MASTL: variants seen among roughly 807,000 people sequenced by gnomAD.
The protein encoded by MASTL is microtubule associated serine/threonine kinase like, also known as serine/threonine-protein kinase greatwall.
A neutral mutation model predicts 82.5 loss-of-function variants in MASTL; 54 were observed. The observed-to-expected ratio is 0.65, with a 90% CI of 0.53 to 0.82. The LOEUF (loss-of-function observed/expected upper bound fraction) is 0.82, where lower values mean the gene tolerates loss of function less well. Among genes scored for constraint, MASTL ranks in the 40% least tolerant of loss-of-function variants. The pLI is 0.00. For synonymous variants in MASTL, 323 were observed against 368.9 expected (o/e 0.88, Z 1.43); for missense variants, 950 against 1,047.8 (o/e 0.91, Z 1.29).
Position 27,170,155 on chromosome 10 carries a change from G to A in MASTL, c.1196G>A (p.Trp399Ter). The A allele has an allele frequency of 8.7e-6, 14 of 1,614,116 alleles. No individual in the cohort carries two copies. Among genetic ancestry groups the A allele is most frequent in the Non-Finnish European group, 1.2e-5 (14 of 1,180,026 alleles). ...AKKCFSGEVS[W>*]EAVELDVNNI... is the part of the protein sequence containing the mutation. ...AAATGCTTCTCTGGGGAAGTTTCTT[G>A]GGAAGCAGTAGAACTGGATGTAAAT... The change falls in exon 8 of 12, where the codon TGG becomes TAG. Residue 399 changes from tryptophan (W) to a stop codon, truncating the protein, a stop_gained. Coordinates refer to ENST00000375940, the MANE Select transcript of MASTL (RefSeq NM_001172303.3). LOFTEE classifies it high-confidence loss of function.
chr10:27,181,367 G>A (rs2058292623), intron 10 of MASTL, 113 bp from the exon 11 acceptor site: 1 of 795,170 alleles, frequency 1.3e-6, no homozygotes, highest in Non-Finnish European at 2.1e-6. Context: ...CTCCAGCCTG[G>A]GTGACAAGAG....
At chr10:27,186,057 T>A (rs891161517) in intron 11 of MASTL, among the ~76,000 whole-genome samples, 1 of 152,022 alleles carries the variant, frequency 6.6e-6, no homozygotes, top group Non-Finnish European at 1.5e-5. Context: ...CCACTGCACT[T>A]CAGCCTGGGC....
Position 27,170,955 on chromosome 10 carries a change from A to G in MASTL, c.1996A>G (p.Asn666Asp). Reference protein sequence around the residue: ...RSFNSHINASNNSEPSRMNMT... With the variant: ...RSFNSHINASDNSEPSRMNMT... ...TTTTAACAGTCATATTAATGCATCC[A>G]ATAACTCAGAACCATCCAGAATGAA... The change falls in exon 8 of 12, where the codon AAT (asparagine) becomes GAT (aspartate). Residue 666 changes from asparagine to aspartate, a missense_variant. Asn to Asp is a conservative substitution (Grantham distance 23). Transcript: ENST00000375940. 6.2e-7 allele frequency: 1 copy of G among 1,614,206 alleles called. No homozygotes were observed. The highest frequency in any genetic ancestry group is 2.2e-5 in the East Asian group (1 of 44,870).
At position 27,170,659 on chromosome 10, in the gene MASTL, T is replaced by C; in HGVS notation, c.1700T>C (p.Met567Thr). The C allele has an allele frequency of 6.2e-7, 1 of 1,609,856 alleles. No individual in the cohort carries two copies. Among genetic ancestry groups the C allele is most frequent in the Admixed American group, 1.7e-5 (1 of 59,096 alleles). Reference protein sequence around the residue: ...DDDRASKNISMNSDSSFPGIS... With the variant: ...DDDRASKNISTNSDSSFPGIS... ...GATAGAGCTTCTAAAAATATTTCTA[T>C]GAACTCTGATTCATCTTTTCCTGGA... Residue 567 changes from methionine to threonine, a missense_variant, in exon 8 of 12, where the codon ATG (methionine) becomes ACG (threonine). Physicochemically the swap from Met to Thr is moderately conservative, Grantham distance 81 (BLOSUM62 -1). Transcript: ENST00000375940.
chr10:27,186,114 G>C (rs528850341), intron 11 of MASTL, among the ~76,000 whole-genome samples: 31 of 152,212 alleles, frequency 2.0e-4, no homozygotes, highest in African/African-American at 7.5e-4. Flanking sequence ...AGAAAGATAG[G>C]CTTCTAAGTT....
chr10:27,183,781 A>C (rs2058467682), intron 11 of MASTL, among the ~76,000 whole-genome samples: 1 of 151,346 alleles, frequency 6.6e-6, no homozygotes, highest in Non-Finnish European at 1.5e-5. Flanking sequence ...GTAGTAGCAC[A>C]ATCTCGGCTC....
intron 7 of MASTL, among the ~76,000 whole-genome samples, chr10:27,167,831 T>G (rs2057789120): frequency 6.6e-6 from 1 of 152,224 alleles, no homozygotes; most frequent in Admixed American, 6.5e-5. Context: ...TTACATATTG[T>G]TTTTGCCTTT....
intron 10 of MASTL, 131 bp from the exon 11 acceptor site, chr10:27,181,349 C>A: frequency 1.4e-6 from 1 of 714,724 alleles, no homozygotes; most frequent in Non-Finnish European, 2.4e-6. Context: ...TGAGATCACG[C>A]TTTTGCACTC....
rs183974630 is a variant in MASTL at position 27,164,560 on chromosome 10, T to C, written c.554-504T>C. ...AACATGCTAATAATCTGGGTCAGTT[T>C]CTATCTTGACCTAGGCTTAAACATA... On this transcript the variant is annotated intron_variant, in intron 4 of 11. Transcript: ENST00000375940. Among the ~76,000 whole-genome samples, 248 of 152,354 alleles carry C rather than the reference T, an allele frequency of 1.6e-3. 2 individuals carry two copies. Among genetic ancestry groups the C allele is most frequent in the African/African-American group, 5.7e-3 (239 of 41,584 alleles).
In MASTL at chr10:27,169,969, C is replaced by T; in HGVS notation, c.1010C>T (p.Thr337Ile). The T allele has an allele frequency of 2.5e-6, 4 of 1,614,024 alleles. No individual in the cohort carries two copies. The highest frequency in any genetic ancestry group is 3.4e-6 in the Non-Finnish European group (4 of 1,180,028). ...GAAAGTGATGAAGCATTGGGCCCAA[C>T]AATGATGAGTTGGAATGCAGTTGAA... Reference protein sequence around the residue: ...CQESDEALGPTMMSWNAVEKL... With the variant: ...CQESDEALGPIMMSWNAVEKL... The change falls in exon 8 of 12, where the codon ACA (threonine) becomes ATA (isoleucine). Residue 337 changes from threonine to isoleucine, a missense_variant. Transcript: ENST00000375940.
At position 27,165,391 on chromosome 10, in the gene MASTL, C is replaced by T. The variant is rs767148976; in HGVS notation, c.663C>T (p.Asn221=). The change falls in exon 6 of 12, where the codon AAC becomes AAT. Residue 221 remains asparagine, a splice_region_variant and synonymous_variant. Coordinates refer to ENST00000375940, the MANE Select transcript of MASTL (RefSeq NM_001172303.3). The part of the protein sequence containing the change: ...VLSLISSLGF[N]TPIAEKNQDP... ...TTTTATTTTTCTCTTTTTAATAGAACACACCAATTGCAGAAAAAAATCAAG... is the reference window on the plus strand; with the variant it reads ...TTTTATTTTTCTCTTTTTAATAGAATACACCAATTGCAGAAAAAAATCAAG... The T allele has an allele frequency of 1.2e-6, 2 of 1,613,384 alleles. No individual in the cohort carries two copies. Among genetic ancestry groups the T allele is most frequent in the East Asian group, 4.5e-5 (2 of 44,864 alleles).
Position 27,177,365 on chromosome 10 carries a change from T to G in MASTL, c.2267-3588T>G, listed in dbSNP as rs2136132455. ...CTAGCCCATTTTCTGTATTATAATT[T>G]GCATTATCTCTAACTTAGGACACAG... On this transcript the variant is annotated intron_variant, in intron 9 of 11. Coordinates refer to ENST00000375940, the MANE Select transcript of MASTL (RefSeq NM_001172303.3). Among the ~76,000 whole-genome samples the G allele has an allele frequency of 2.0e-5, 3 of 152,338 alleles. No homozygotes were observed. In the South Asian group the frequency reaches 6.2e-4, roughly 32 times the overall value.
In MASTL at chr10:27,158,630, A is replaced by C. The variant is rs767472790; in HGVS notation, c.268A>C (p.Ser90Arg). 1 of 1,613,892 alleles carries C rather than the reference A, an allele frequency of 6.2e-7. No homozygotes were observed. Among genetic ancestry groups the C allele is most frequent in the South Asian group, 1.1e-5 (1 of 91,084 alleles). The change falls in exon 2 of 12, where the codon AGC (serine) becomes CGC (arginine). Residue 90 changes from serine to arginine, a missense_variant. Physicochemically the swap from Ser to Arg is moderately radical, Grantham distance 110. Transcript: ENST00000375940. Reference sequence around the variant, plus strand: ...GAGAGATGCACTGGCACTAAGCAAAAGCCCATTCATTGTCCATTTGTATTA... The same window carrying C: ...GAGAGATGCACTGGCACTAAGCAAACGCCCATTCATTGTCCATTTGTATTA... ...AERDALALSK[S>R]PFIVHLYYSL...
chr10:27,182,354 T>C (rs536061138), intron 11 of MASTL, among the ~76,000 whole-genome samples: 2 of 152,224 alleles, frequency 1.3e-5, no homozygotes, highest in South Asian at 4.1e-4. Flanking sequence ...TGCATTGATA[T>C]ATTGGTCCTT....
In MASTL at chr10:27,165,085, T is replaced by C. The variant is rs775965781; in HGVS notation, c.575T>C (p.Leu192Pro). The stretch of plus-strand genomic sequence containing the variant: ...ATAGATATTAATATGATGGATATCC[T>C]TACAACACCATCAATGGCAAAACCT... ...LNRDINMMDILTTPSMAKPRQ... is the reference protein window; with the variant it reads ...LNRDINMMDIPTTPSMAKPRQ... Residue 192 changes from leucine (L) to proline (P), a missense_variant, in exon 5 of 12, where the codon CTT becomes CCT. Transcript: ENST00000375940. 2 of 1,604,952 alleles carry C rather than the reference T, an allele frequency of 1.2e-6. No individual in the cohort carries two copies. The highest frequency in any genetic ancestry group is 2.7e-5 in the African/African-American group (2 of 74,704).
intron 2 of MASTL, 67 bp downstream of exon 2, chr10:27,158,753 G>C (rs952184768): frequency 4.5e-6 from 7 of 1,572,634 alleles, no homozygotes; most frequent in Non-Finnish European, 5.2e-6. Context: ...TGATTTAAGA[G>C]AACCATGTTT....
Position 27,171,437 on chromosome 10 carries a change from T to C in MASTL, c.2124+354T>C, listed in dbSNP as rs1436588008. Among the ~76,000 whole-genome samples the C allele has an allele frequency of 2.0e-5, 3 of 150,092 alleles. No homozygotes were observed. In the East Asian group the frequency reaches 5.8e-4, roughly 29 times the overall value. ...TTATTATTATTATTATTATTATTAT[T>C]ATTATTATTATTATTGAGACAGTCT... On this transcript the variant is annotated intron_variant, in intron 8 of 11. Coordinates refer to ENST00000375940, the MANE Select transcript of MASTL (RefSeq NM_001172303.3).
At chr10:27,181,650 G>A (rs952709902) in intron 11 of MASTL, 69 bp downstream of exon 11, 1 of 1,196,116 alleles carries the variant, frequency 8.4e-7, no homozygotes, top group Non-Finnish European at 1.2e-6. Flanking sequence ...TATAAAAATA[G>A]CAAGTTCTGG....
chr10:27,165,529 A>G lies in MASTL; in HGVS notation c.801A>G (p.Leu267=). The change falls in exon 6 of 12, where the codon TTA becomes TTG. Residue 267 remains leucine (L), a synonymous_variant. Coordinates refer to ENST00000375940, the MANE Select transcript of MASTL (RefSeq NM_001172303.3). ...QKDTTPYSSK[L]LKSCLETVAS... ...ACACTACGCCTTATTCTAGCAAATT[A>G]CTAAAATCATGTGAGTATAAAAGAA... is the stretch of plus-strand genomic sequence containing the variant. 6.2e-7 allele frequency: 1 copy of G among 1,614,140 alleles called. No homozygotes were observed. Among genetic ancestry groups the G allele is most frequent in the Non-Finnish European group, 8.5e-7 (1 of 1,180,022 alleles).
Sources: gnomAD v4.1 joint callset for allele counts (sites outside exome capture counted in the v4.1 genomes callset) on GRCh38, gnomAD v4.1.1 for gene constraint, MANE v1.5 for transcripts, NCBI Gene and HGNC (gene_info 2026-07-23, HGNC 2026-07-21) for gene names.